The following RBFOX1 variants were observed in gnomAD, a reference collection of about 807,000 sequenced individuals.
RBFOX1 encodes RNA binding protein fox-1 homolog 1.
In RBFOX1, 8 loss-of-function variants were observed where a neutral mutation model predicts 57.7. The ratio of observed to expected loss-of-function variants is 0.14; its 90% confidence interval spans 0.08 to 0.25. RBFOX1 has a LOEUF of 0.25. Ranked by LOEUF, RBFOX1 falls within the 10% of genes least tolerant of loss-of-function variation. The pLI is 1.00. For missense variants in RBFOX1, 611 were observed against 548.5 expected, an observed-to-expected ratio of 1.11 and a Z score of -1.14; for synonymous variants, 326 against 222.4, an observed-to-expected ratio of 1.47 and a Z score of -4.15.
chr16:6,585,260 T>C (rs2097591751), intron 2 of RBFOX1, among the ~76,000 whole-genome samples: 1 of 152,166 alleles, frequency 6.6e-6, no homozygotes, highest in African/African-American at 2.4e-5. Context: ...AGGAAACCTT[T>C]ATCGTCATGT....
intron 3 of RBFOX1, among the ~76,000 whole-genome samples, chr16:7,048,414 C>A (rs1197916967): frequency 6.6e-6 from 1 of 152,004 alleles, no homozygotes; most frequent in African/African-American, 2.4e-5. Context: ...CGCGTGTCGC[C>A]ACACCCAGCT....
At chr16:6,029,734 C>G (rs2095260612) in intron 1 of RBFOX1, among the ~76,000 whole-genome samples, 1 of 130,760 alleles carries the variant, frequency 7.6e-6, no homozygotes, top group Non-Finnish European at 1.5e-5. Context: ...GATCGCGCCA[C>G]TGTACTCCAG....
chr16:5,392,569 C>T (rs1341444977), intron 1 of RBFOX1, among the ~76,000 whole-genome samples: 2 of 149,702 alleles, frequency 1.3e-5, no homozygotes, highest in East Asian at 3.9e-4. Flanking sequence ...GACAGGGTCT[C>T]ATCGTGTCAC....
rs71386513 is a variant in RBFOX1, at chr16:5,657,732, C to CTTTTTTTTTTTTTTTTTTTTTT, written c.318+58775_318+58776insTTTTTTTTTTTTTTTTTTTTTT. 8.1e-5 allele frequency among the ~76,000 whole-genome samples: 8 copies of CTTTTTTTTTTTTTTTTTTTTTT among 98,352 alleles called. 4 individuals are homozygous for CTTTTTTTTTTTTTTTTTTTTTT. The highest frequency in any genetic ancestry group is 1.5e-4 in the Non-Finnish European group (8 of 53,164). 64.5% of individuals were successfully genotyped at this position (98,352 alleles called of 152,430 possible). ...TTTCTCTCTTTCTTTTGTTTCTTTTCTTTTCTTTTTTTTTTTTTGAGACAG... is the reference window on the plus strand; with the variant it reads ...TTTCTCTCTTTCTTTTGTTTCTTTTCTTTTTTTTTTTTTTTTTTTTTTTTTTCTTTTTTTTTTTTTGAGACAG... On this transcript the variant is annotated intron_variant, in intron 3 of 19. Transcript: ENST00000641259.
chr16:6,015,943 G>T (rs1166527988), upstream of RBFOX1, among the ~76,000 whole-genome samples: 2 of 152,204 alleles, frequency 1.3e-5, no homozygotes, highest in Non-Finnish European at 2.9e-5. Context: ...TGGGGGACTA[G>T]CCTCAAGAAG....
chr16:6,761,377 C>T (rs1045183974), intron 3 of RBFOX1, among the ~76,000 whole-genome samples: 1 of 151,646 alleles, frequency 6.6e-6, no homozygotes, highest in Admixed American at 6.6e-5. Flanking sequence ...TACATTTAGT[C>T]TTTGCATCTC....
chr16:6,264,026 T>C (rs1460065631), intron 1 of RBFOX1, among the ~76,000 whole-genome samples: 1 of 152,182 alleles, frequency 6.6e-6, no homozygotes, highest in Non-Finnish European at 1.5e-5. Context: ...TTCTAGACTA[T>C]TTTGACTTTA....
At chr16:5,694,441 A>G (rs1369175840) in intron 3 of RBFOX1, among the ~76,000 whole-genome samples, 8 of 152,202 alleles carry the variant, frequency 5.3e-5, no homozygotes, top group Non-Finnish European at 1.0e-4. Flanking sequence ...TCGTGAACAC[A>G]ACTTCTGAAT....
chr16:5,396,708 G>C (rs1466666724), intron 1 of RBFOX1, among the ~76,000 whole-genome samples: 1 of 152,190 alleles, frequency 6.6e-6, no homozygotes, highest in Non-Finnish European at 1.5e-5. Context: ...TACCTTATCA[G>C]TCATGGACTC....
intron 2 of RBFOX1, among the ~76,000 whole-genome samples, chr16:5,587,429 T>C (rs1470429612): frequency 6.6e-6 from 1 of 152,192 alleles, no homozygotes; most frequent in Non-Finnish European, 1.5e-5. Flanking sequence ...GTCAGATAAT[T>C]GGGCCTGGTG....
chr16:6,634,293 G>C (rs1567971079), intron 2 of RBFOX1, among the ~76,000 whole-genome samples: 2 of 151,994 alleles, frequency 1.3e-5, no homozygotes, highest in Non-Finnish European at 2.9e-5. Flanking sequence ...GATTGGCTGA[G>C]TCCCTCAGAT....
chr16:7,560,062 G>A (rs943343886), intron 5 of RBFOX1, among the ~76,000 whole-genome samples: 1 of 152,178 alleles, frequency 6.6e-6, no homozygotes, highest in Non-Finnish European at 1.5e-5. Flanking sequence ...CTCTGGGATG[G>A]GGCCCAGAAA....
intron 1 of RBFOX1, among the ~76,000 whole-genome samples, chr16:6,287,589 T>C (rs1378387495): frequency 1.1e-4 from 16 of 152,152 alleles, no homozygotes; most frequent in Admixed American, 9.8e-4. Context: ...AGTTAGACTT[T>C]AGTAAACATT....
chr16:7,407,120 T>A (rs1366724331), intron 4 of RBFOX1, among the ~76,000 whole-genome samples: 1 of 152,096 alleles, frequency 6.6e-6, no homozygotes, highest in African/African-American at 2.4e-5. Flanking sequence ...GTTACATGAG[T>A]CACCTTTAGT....
chr16:6,644,427 A>G (rs1195803596), intron 2 of RBFOX1, among the ~76,000 whole-genome samples: 1 of 152,222 alleles, frequency 6.6e-6, no homozygotes, highest in Non-Finnish European at 1.5e-5. Context: ...AAGGAAGAGC[A>G]AAACCTTCTT....
At chr16:5,542,411 G>C (rs1324969160) in intron 2 of RBFOX1, among the ~76,000 whole-genome samples, 1 of 150,982 alleles carries the variant, frequency 6.6e-6, no homozygotes, top group East Asian at 2.0e-4. Context: ...ACCATGCCTG[G>C]CTAATTTTTT....
intron 3 of RBFOX1, among the ~76,000 whole-genome samples, chr16:7,023,353 G>T (rs1487983750): frequency 1.3e-5 from 2 of 151,438 alleles, no homozygotes; most frequent in East Asian, 2.0e-4. Context: ...CCAGCTACTT[G>T]GGAGGCTGAG....
intron 14 of RBFOX1, among the ~76,000 whole-genome samples, chr16:7,685,550 TAGAATC>T (rs759413853): frequency 6.6e-6 from 1 of 152,100 alleles, no homozygotes; most frequent in Non-Finnish European, 1.5e-5. Flanking sequence ...TGGTACTAAT[TAGAATC>T]AGAAAGAGAT....
chr16:7,445,222 G>A (rs979760817), intron 4 of RBFOX1, among the ~76,000 whole-genome samples: 2 of 152,120 alleles, frequency 1.3e-5, no homozygotes, highest in Non-Finnish European at 2.9e-5. Context: ...CTGCTAGTAT[G>A]AGTATGAGTA....
Sources: allele counts gnomAD v4.1 joint callset (sites outside exome capture counted in the v4.1 genomes callset), GRCh38; gene constraint gnomAD v4.1.1; transcripts MANE v1.5; gene names NCBI Gene and HGNC (gene_info 2026-07-23, HGNC 2026-07-21).